RASGEF1C: variants seen among roughly 807,000 people sequenced by gnomAD.
RASGEF1C encodes ras-GEF domain-containing family member 1C.
A neutral mutation model predicts 58.1 loss-of-function variants in RASGEF1C; 27 were observed. The observed-to-expected ratio is 0.46, with a 90% CI of 0.34 to 0.64. The LOEUF (loss-of-function observed/expected upper bound fraction) is 0.64, where lower values mean the gene tolerates loss of function less well. Among genes scored for constraint, RASGEF1C ranks in the 30% least tolerant of loss-of-function variants. The pLI is 0.01. For missense variants in RASGEF1C, 502 were observed against 605.1 expected (o/e 0.83, Z 1.79); for synonymous variants, 243 against 246.3 (o/e 0.99, Z 0.13).
At chr5:180,196,723 T>A (rs928237884) in intron 1 of RASGEF1C, among the ~76,000 whole-genome samples, 1 of 152,184 alleles carries the variant, frequency 6.6e-6, no homozygotes, top group African/African-American at 2.4e-5. Context: ...CCTCCTGATG[T>A]TGATCATTTG....
intron 12 of RASGEF1C, among the ~76,000 whole-genome samples, chr5:180,106,692 G>A (rs895065980): frequency 6.6e-6 from 1 of 152,128 alleles, no homozygotes; most frequent in South Asian, 2.1e-4. Context: ...TCAGGAGATG[G>A]TATATTTTGG....
intron 1 of RASGEF1C, among the ~76,000 whole-genome samples, chr5:180,164,723 G>T (rs1455099915): frequency 2.0e-5 from 3 of 152,122 alleles, no homozygotes; most frequent in Admixed American, 2.0e-4. Flanking sequence ...TACGGTTTTG[G>T]TGAATATTCC....
intron 12 of RASGEF1C, among the ~76,000 whole-genome samples, chr5:180,104,175 G>A (rs981841603): frequency 6.6e-6 from 1 of 152,044 alleles, no homozygotes; most frequent in African/African-American, 2.4e-5. Context: ...GGTAATACTG[G>A]TGCCAGGGTT....
chr5:180,205,334 T>C (rs1399675589), intron 1 of RASGEF1C, among the ~76,000 whole-genome samples: 1 of 152,122 alleles, frequency 6.6e-6, no homozygotes, highest in Non-Finnish European at 1.5e-5. Context: ...AAACCATTTA[T>C]AGTAGCAACA....
At chr5:180,182,215 A>G (rs1472697341) in intron 1 of RASGEF1C, among the ~76,000 whole-genome samples, 3 of 146,972 alleles carry the variant, frequency 2.0e-5, no homozygotes, top group African/African-American at 7.5e-5. Context: ...AAAAAAAAAA[A>G]AAAAAAAAAA....
chr5:180,202,760 T>C (rs1422088482), intron 1 of RASGEF1C, among the ~76,000 whole-genome samples: 1 of 151,124 alleles, frequency 6.6e-6, no homozygotes, highest in Non-Finnish European at 1.5e-5. Context: ...TGGAGTGCAG[T>C]GGCACAATCT....
At chr5:180,129,335 C>G (rs1010620519) in intron 4 of RASGEF1C, among the ~76,000 whole-genome samples, 1 of 152,204 alleles carries the variant, frequency 6.6e-6, no homozygotes, top group Non-Finnish European at 1.5e-5. Flanking sequence ...GCACCTGGCC[C>G]GTGCTCTGAG....
chr5:180,178,564 G>A (rs1339492812), intron 1 of RASGEF1C, among the ~76,000 whole-genome samples: 6 of 152,104 alleles, frequency 3.9e-5, no homozygotes, highest in Admixed American at 3.9e-4. Flanking sequence ...ACAGGTGTGA[G>A]CCACCGTGAC....
chr5:180,123,631 G>C (rs1470276256), intron 6 of RASGEF1C, among the ~76,000 whole-genome samples: 1 of 151,722 alleles, frequency 6.6e-6, no homozygotes, highest in Non-Finnish European at 1.5e-5. Flanking sequence ...AAAACAAGCT[G>C]AACATCCAAC....
At chr5:180,129,510 G>A (rs184929424) in intron 4 of RASGEF1C, among the ~76,000 whole-genome samples, 13 of 152,148 alleles carry the variant, frequency 8.5e-5, no homozygotes, top group South Asian at 2.1e-4. Flanking sequence ...CCTGGCTGAG[G>A]CCCCCCCAGA....
At position 180,190,507 on chromosome 5, in the gene RASGEF1C, AAT is replaced by A. The variant is rs1447085530; in HGVS notation, c.-7+18519_-7+18520del. The stretch of plus-strand genomic sequence containing the variant: ...TCCGTCTCAAAAAAAAAAAAAAAAA[AAT>A]AATAATAATAATAATAATAATTAGC... On this transcript the variant is annotated intron_variant, in intron 1 of 13. Coordinates refer to ENST00000361132, the MANE Select transcript of RASGEF1C (RefSeq NM_175062.4). Among the ~76,000 whole-genome samples, 418 of 97,308 alleles carry A rather than the reference AAT, an allele frequency of 4.3e-3. 7 individuals are homozygous for A. Among genetic ancestry groups the A allele is most frequent in the Non-Finnish European group, 6.7e-3 (313 of 46,674 alleles). 63.8% of individuals were successfully genotyped at this position (97,308 alleles called of 152,430 possible).
intron 1 of RASGEF1C, among the ~76,000 whole-genome samples, chr5:180,154,738 G>A (rs938004555): frequency 6.6e-6 from 1 of 151,998 alleles, no homozygotes; most frequent in African/African-American, 2.4e-5. Flanking sequence ...CCACCATCAC[G>A]CCTGCCCATT....
At chr5:180,134,889 C>T (rs1383593514) in intron 4 of RASGEF1C, among the ~76,000 whole-genome samples, 1 of 141,124 alleles carries the variant, frequency 7.1e-6, no homozygotes, top group South Asian at 2.5e-4. Flanking sequence ...TTCTCCCTCT[C>T]TTCTTTCCAT....
intron 6 of RASGEF1C, among the ~76,000 whole-genome samples, chr5:180,121,470 C>T (rs1412181541): frequency 3.3e-5 from 5 of 152,110 alleles, no homozygotes; most frequent in South Asian, 2.1e-4. Flanking sequence ...CCCGCCACCA[C>T]GCCCAGAGAA....
rs1267740557 is a variant in RASGEF1C, at chr5:180,130,772, C to T, written c.439-2162G>A. Among the ~76,000 whole-genome samples the T allele has an allele frequency of 3.3e-5, 5 of 152,284 alleles. No homozygotes were observed. In the Middle Eastern group the frequency reaches 0.01, roughly 311 times the overall value. ...GTCTAGGCCTCTCTTCTCACTCTTA[C>T]TTAGCTCCTGGCTGTTCTGCTTCAC... On this transcript the variant is annotated intron_variant, in intron 4 of 13. Transcript: ENST00000361132.
At chr5:180,148,887 G>T (rs947720385) in intron 1 of RASGEF1C, among the ~76,000 whole-genome samples, 1 of 152,022 alleles carries the variant, frequency 6.6e-6, no homozygotes. Context: ...ATTTCTCCTA[G>T]GTAGGCCTTG....
At chr5:180,107,034 A>G (rs2113236190) in intron 12 of RASGEF1C, among the ~76,000 whole-genome samples, 1 of 152,218 alleles carries the variant, frequency 6.6e-6, no homozygotes, top group African/African-American at 2.4e-5. Flanking sequence ...TGTTTCTGGT[A>G]ATTTTCTTTC....
Position 180,137,855 on chromosome 5 carries a change from C to T in RASGEF1C, c.177+21G>A. ...TGGTGGAGGAGAGCCCACTCTCCTGCCCGCTGGGTGGATCACCCACCTCGG... is the reference window on the plus strand; with the variant it reads ...TGGTGGAGGAGAGCCCACTCTCCTGTCCGCTGGGTGGATCACCCACCTCGG... On this transcript the variant is annotated intron_variant, in intron 2 of 13. Transcript: ENST00000361132. This position sits in a 1 kb window ranked among gnomAD's most constrained non-coding sequence, Gnocchi z 4.1. The T allele has an allele frequency of 6.2e-7, 1 of 1,608,348 alleles. No individual in the cohort carries two copies. Among genetic ancestry groups the T allele is most frequent in the Non-Finnish European group, 8.5e-7 (1 of 1,177,842 alleles).
At chr5:180,190,500 A>T (rs1180030461) in intron 1 of RASGEF1C, among the ~76,000 whole-genome samples, 147 of 97,108 alleles carry the variant, frequency 1.5e-3, no homozygotes, top group African/African-American at 4.6e-3. Flanking sequence ...AAAAAAAAAA[A>T]AAAAAAAATA....
Sources: allele counts gnomAD v4.1 joint callset (sites outside exome capture counted in the v4.1 genomes callset), GRCh38; gene constraint gnomAD v4.1.1; non-coding constraint Gnocchi (gnomAD v3.1); transcripts MANE v1.5; gene names NCBI Gene and HGNC (gene_info 2026-07-23, HGNC 2026-07-21).